PTPRR: variants seen among roughly 807,000 people sequenced by gnomAD.
The protein encoded by PTPRR is receptor-type tyrosine-protein phosphatase R.
In PTPRR, 38 loss-of-function variants were observed where a neutral mutation model predicts 77.2. The observed-to-expected ratio is 0.49, with a 90% confidence interval of 0.38 to 0.65. PTPRR has a LOEUF of 0.65. Among genes scored for constraint, PTPRR ranks in the 30% least tolerant of loss-of-function variants. PTPRR has a pLI of 0.00. For synonymous variants in PTPRR, 299 were observed against 283.1 expected, an observed-to-expected ratio of 1.06 and a Z score of -0.57; for missense variants, 744 against 799.2, an observed-to-expected ratio of 0.93 and a Z score of 0.83.
At chr12:70,916,785 G>GA (rs1893781758) in intron 1 of PTPRR, among the ~76,000 whole-genome samples, 1 of 152,146 alleles carries the variant, frequency 6.6e-6, no homozygotes, top group South Asian at 2.1e-4. Flanking sequence ...AGAGTCTAAG[G>GA]AAATTGACTA....
At chr12:70,889,243 T>C (rs892279520) in intron 2 of PTPRR, among the ~76,000 whole-genome samples, 3 of 152,316 alleles carry the variant, frequency 2.0e-5, no homozygotes, top group Admixed American at 2.0e-4. Flanking sequence ...AATTTGTCTA[T>C]TGAAAAAGTA....
chr12:70,737,022 T>G (rs1889885503), intron 6 of PTPRR, among the ~76,000 whole-genome samples: 1 of 152,164 alleles, frequency 6.6e-6, no homozygotes, highest in African/African-American at 2.4e-5. Flanking sequence ...GGTAGCCTGT[T>G]AGTGGTGCCC....
At chr12:70,680,007 T>C (rs1267515243) in intron 10 of PTPRR, among the ~76,000 whole-genome samples, 1 of 152,232 alleles carries the variant, frequency 6.6e-6, no homozygotes, top group Non-Finnish European at 1.5e-5. Context: ...TGGTTTTCCA[T>C]AGTGATAAGC....
intron 6 of PTPRR, among the ~76,000 whole-genome samples, chr12:70,720,509 ATTTTTTTT>A (rs34611421): frequency 7.3e-6 from 1 of 136,836 alleles, no homozygotes; most frequent in Non-Finnish European, 1.6e-5. Flanking sequence ...TACCCTGGTA[ATTTTTTTT>A]TTTTTTTTTT....
intron 2 of PTPRR, among the ~76,000 whole-genome samples, chr12:70,886,733 A>T (rs1320219578): frequency 6.6e-6 from 1 of 152,236 alleles, no homozygotes; most frequent in Non-Finnish European, 1.5e-5. Flanking sequence ...TATTTTCTTG[A>T]TAATGAGATG....
intron 1 of PTPRR, among the ~76,000 whole-genome samples, chr12:70,918,784 G>T (rs1355422450): frequency 6.6e-6 from 1 of 152,110 alleles, no homozygotes; most frequent in African/African-American, 2.4e-5. Context: ...AGATTTTTCT[G>T]TAATGAATGT....
rs542075067 is a variant in PTPRR at position 70,740,603 on chromosome 12, G to A, written c.1007+5215C>T. On this transcript the variant is annotated intron_variant, in intron 6 of 13. Coordinates refer to ENST00000283228, the MANE Select transcript of PTPRR (RefSeq NM_002849.4). ...TTTCAGAGTGTATTCTTTATACTCA[G>A]TTAAGCAATCCATTTAGTCTCTAGA... is the stretch of plus-strand genomic sequence containing the variant. 3.3e-5 allele frequency among the ~76,000 whole-genome samples: 5 copies of A among 152,118 alleles called. No individual in the cohort carries two copies. The South Asian group carries it at 1.0e-3, about 32-fold the overall frequency.
chr12:70,838,840 G>A (rs77705646), intron 2 of PTPRR, among the ~76,000 whole-genome samples: 2 of 152,214 alleles, frequency 1.3e-5, no homozygotes, highest in Non-Finnish European at 2.9e-5. Flanking sequence ...TTTGACTAAC[G>A]GGGATTGTTC....
rs1892865492 is a variant in PTPRR at position 70,867,061 on chromosome 12, T to C, written c.357+25618A>G. Among the ~76,000 whole-genome samples the C allele has an allele frequency of 5.3e-5, 8 of 151,106 alleles. No homozygotes were observed. The South Asian group carries it at 1.7e-3, about 32-fold the overall frequency. On this transcript the variant is annotated intron_variant, in intron 2 of 13. Transcript: ENST00000283228. Reference sequence around the variant, plus strand: ...ATCTCAAAATAATAAGAGCTATCTATGACAAACCCACAGCCAATATCATAC... The same window carrying C: ...ATCTCAAAATAATAAGAGCTATCTACGACAAACCCACAGCCAATATCATAC...
chr12:70,812,493 T>C (rs770211710), intron 2 of PTPRR, among the ~76,000 whole-genome samples: 4 of 152,202 alleles, frequency 2.6e-5, no homozygotes, highest in Non-Finnish European at 5.9e-5. Context: ...CCTCAAGGAA[T>C]AGGTTTATTT....
At position 70,920,231 on chromosome 12, in the gene PTPRR, A is replaced by G; in HGVS notation, c.58+102T>C. On this transcript the variant is annotated intron_variant, in intron 1 of 13. Transcript: ENST00000283228. ...AGGTACTGTCCTGTTTTACCTTTTT[A>G]GAAAGGCTTTCTTCGCAAGGCAAGC... The G allele has an allele frequency of 5.4e-6, 7 of 1,303,058 alleles. No homozygotes were observed. In the South Asian group the frequency reaches 8.9e-5, roughly 16 times the overall value. The allele number at this position is 1,303,058 out of a possible 1,614,324, so 80.7% of individuals were successfully genotyped here.
intron 10 of PTPRR, chr12:70,672,803 G>A (rs1369017345): frequency 7.0e-6 from 11 of 1,565,362 alleles, no homozygotes; most frequent in African/African-American, 1.4e-5. Context: ...CTCAAGAAGG[G>A]AGATGAAGTC....
At chr12:70,640,609 T>C (rs1885964174) in intron 13 of PTPRR, among the ~76,000 whole-genome samples, 2 of 152,208 alleles carry the variant, frequency 1.3e-5, no homozygotes, top group African/African-American at 4.8e-5. Flanking sequence ...ATGCAACTGA[T>C]CTTATCTTTT....
chr12:70,754,764 A>G lies in PTPRR; in HGVS notation c.628-463T>C, dbSNP rs754880200. The G allele has an allele frequency of 2.0e-6, 3 of 1,535,458 alleles. No homozygotes were observed. In the East Asian group the frequency reaches 7.2e-5, roughly 37 times the overall value. ...AACAAAAGCTTGTGGTGCATTAATA[A>G]ATACAGCAACAATGCCAGCATTATT... On this transcript the variant is annotated intron_variant, in intron 4 of 13. Transcript: ENST00000283228.
At chr12:70,697,338 T>A (rs1288735060) in intron 8 of PTPRR, among the ~76,000 whole-genome samples, 1 of 152,202 alleles carries the variant, frequency 6.6e-6, no homozygotes. Flanking sequence ...CATCTTTTAA[T>A]ATGCTTGTTG....
At chr12:70,896,888 T>C (rs1224888854) in intron 1 of PTPRR, among the ~76,000 whole-genome samples, 2 of 151,842 alleles carry the variant, frequency 1.3e-5, no homozygotes, top group Admixed American at 6.6e-5. Flanking sequence ...CCATTGCTTG[T>C]TTTTGTCAGG....
At chr12:70,664,795 A>C (rs1886922734) in intron 10 of PTPRR, 1 of 152,152 alleles carries the variant, frequency 6.6e-6, no homozygotes, top group Non-Finnish European at 1.5e-5. Flanking sequence ...AACAACCCTT[A>C]ATTAGCATCC....
intron 4 of PTPRR, 34 bp downstream of exon 4, chr12:70,761,437 A>G: frequency 4.6e-6 from 7 of 1,517,014 alleles, no homozygotes; most frequent in Non-Finnish European, 6.2e-6. Context: ...AACTGTTCAC[A>G]TTTTTAAATG....
intron 13 of PTPRR, among the ~76,000 whole-genome samples, chr12:70,640,200 G>A (rs746668663): frequency 2.6e-5 from 4 of 151,936 alleles, no homozygotes; most frequent in South Asian, 2.1e-4. Flanking sequence ...TTGAGAAAAC[G>A]TCTCCTTAAT....
Sources: gnomAD v4.1 joint callset for allele counts (sites outside exome capture counted in the v4.1 genomes callset) on GRCh38, gnomAD v4.1.1 for gene constraint, MANE v1.5 for transcripts, NCBI Gene and HGNC (gene_info 2026-07-23, HGNC 2026-07-21) for gene names.